AFF2: variants seen among roughly 807,000 people sequenced by gnomAD.
The protein encoded by AFF2 is AF4/FMR2 family member 2.
A neutral mutation model predicts 76.9 loss-of-function variants in AFF2; 14 were observed. That is an observed-to-expected ratio of 0.18 (90% CI 0.12 to 0.28). The LOEUF (loss-of-function observed/expected upper bound fraction) is 0.28, where lower values mean the gene tolerates loss of function less well. Ranked by LOEUF, AFF2 falls within the 10% of genes least tolerant of loss-of-function variation. The probability of loss-of-function intolerance (pLI) is 1.00; values close to 1 mark genes in which losing one functional copy is unlikely to be tolerated. For missense variants in AFF2, 868 were observed against 1,001.1 expected (o/e 0.87, Z 1.79); for synonymous variants, 398 against 366.7 (o/e 1.09, Z -0.98).
At chrX:148,501,288 G>C (rs1210286143) in intron 1 of AFF2, 144 bp downstream of exon 1, 8 of 767,431 alleles carry the variant, frequency 1.0e-5, no homozygotes, top group South Asian at 7.5e-5. Flanking sequence ...CTCTGGCCCC[G>C]GCCGCGCTGA....
intron 4 of AFF2, among the ~76,000 whole-genome samples, chrX:148,825,789 T>C (rs1271694219): frequency 9.3e-6 from 1 of 107,699 alleles, no homozygotes; most frequent in Non-Finnish European, 1.9e-5. Context: ...TCTTTCCTTC[T>C]TTAATACAAA....
chrX:148,679,187 C>T lies in AFF2; in HGVS notation c.1041+16419C>T, dbSNP rs367786539. ...TCTTTCCAAACTATATAGCAATATA[C>T]GTATAAAAGCTATAAAGTAAAAAAA... On this transcript the variant is annotated intron_variant, in intron 3 of 20. Coordinates refer to ENST00000370460, the MANE Select transcript of AFF2 (RefSeq NM_002025.4). Among the ~76,000 whole-genome samples, 8 of 103,697 alleles carry T rather than the reference C, an allele frequency of 7.7e-5. No individual in the cohort carries two copies. The East Asian group carries it at 8.9e-4, about 12-fold the overall frequency. The allele number at this position is 103,697 out of a possible 115,157, so 90.0% of individuals were successfully genotyped here.
intron 1 of AFF2, among the ~76,000 whole-genome samples, chrX:148,608,867 C>T (rs2053699903): frequency 9.0e-6 from 1 of 111,636 alleles, no homozygotes; most frequent in Non-Finnish European, 1.9e-5. Flanking sequence ...TTTAGTGTGG[C>T]ATAGAAAGTC....
chrX:148,641,846 A>G (rs1259974370), intron 1 of AFF2, among the ~76,000 whole-genome samples: 7 of 111,722 alleles, frequency 6.3e-5, no homozygotes, highest in African/African-American at 2.0e-4. Flanking sequence ...TTCTCCTCTT[A>G]TAAGGATGCC....
chrX:148,973,863 A>C (rs1199864957), intron 16 of AFF2, among the ~76,000 whole-genome samples: 1 of 112,057 alleles, frequency 8.9e-6, no homozygotes, highest in East Asian at 2.8e-4. Context: ...ATTAAAATGG[A>C]AATGTAGTGG....
chrX:148,956,121 C>T lies in AFF2; in HGVS notation c.2076C>T (p.Pro692=), dbSNP rs782241744. 5.8e-6 allele frequency: 7 copies of T among 1,210,633 alleles called. No homozygotes were observed. Among genetic ancestry groups the T allele is most frequent in the South Asian group, 1.8e-5 (1 of 56,789 alleles). Residue 692 remains proline (P), a synonymous_variant, in exon 11 of 21, where the codon CCC becomes CCT. Transcript: ENST00000370460. ...KEPRPNIPLA[P]EKKKYRGPGK... is the part of the protein sequence containing the mutation. ...CAAGACCTAACATCCCTTTGGCTCCCGAGAAGAAGAAGTACAGAGGGCCTG... is the reference window on the plus strand; with the variant it reads ...CAAGACCTAACATCCCTTTGGCTCCTGAGAAGAAGAAGTACAGAGGGCCTG...
At chrX:148,861,668 A>G (rs1195175351) in intron 7 of AFF2, among the ~76,000 whole-genome samples, 2 of 111,198 alleles carry the variant, frequency 1.8e-5, no homozygotes, top group African/African-American at 3.3e-5. Flanking sequence ...AATCTAGATA[A>G]CTACACCATT....
chrX:148,672,713 G>T lies in AFF2; in HGVS notation c.1041+9945G>T, dbSNP rs1304505970. ...CATGTGTTTTTCATTTACAAATATG[G>T]TGAGAAGTAGTGTTTTTGCAATATT... is the stretch of plus-strand genomic sequence containing the variant. On this transcript the variant is annotated intron_variant, in intron 3 of 20. Coordinates refer to ENST00000370460, the MANE Select transcript of AFF2 (RefSeq NM_002025.4). Among the ~76,000 whole-genome samples the T allele has an allele frequency of 3.6e-5, 4 of 112,178 alleles. No homozygotes were observed. The East Asian group carries it at 1.1e-3, about 31-fold the overall frequency.
intron 3 of AFF2, among the ~76,000 whole-genome samples, chrX:148,721,591 C>A (rs1472823370): frequency 8.9e-6 from 1 of 111,803 alleles, no homozygotes; most frequent in African/African-American, 3.3e-5. Flanking sequence ...CATCATCTGC[C>A]TAGGACCAAC....
chrX:148,624,844 G>T (rs1041681990), intron 1 of AFF2, among the ~76,000 whole-genome samples: 3 of 111,726 alleles, frequency 2.7e-5, no homozygotes, highest in Admixed American at 9.5e-5. Flanking sequence ...CATGTATTCA[G>T]AAACATTGAT....
chrX:148,837,212 G>A (rs2070537081), intron 4 of AFF2, among the ~76,000 whole-genome samples: 1 of 111,730 alleles, frequency 9.0e-6, no homozygotes, highest in African/African-American at 3.3e-5. Context: ...AAAGTTGAAG[G>A]TTCCCAATAA....
In AFF2 at chrX:148,948,054, C is replaced by T. The variant is rs2039727774; in HGVS notation, c.1398-5526C>T. Among the ~76,000 whole-genome samples, 3 of 112,312 alleles carry T rather than the reference C, an allele frequency of 2.7e-5. No homozygotes were observed. The Admixed American group carries it at 2.8e-4, about 11-fold the overall frequency. ...CCCATGTACATTTCCTATACATAGT[C>T]TGGATGCCCACACAGCTTGTTGGAG... is the stretch of plus-strand genomic sequence containing the variant. On this transcript the variant is annotated intron_variant, in intron 9 of 20. Transcript: ENST00000370460.
intron 7 of AFF2, among the ~76,000 whole-genome samples, chrX:148,877,036 T>G (rs2071042899): frequency 1.8e-5 from 2 of 112,122 alleles, no homozygotes; most frequent in African/African-American, 6.5e-5. Context: ...ACTCCTCAGC[T>G]ACAGTGTGTC....
chrX:148,652,228 A>G, intron 2 of AFF2, 97 bp downstream of exon 2: 2 of 659,971 alleles, frequency 3.0e-6, no homozygotes, highest in Non-Finnish European at 4.7e-6. Flanking sequence ...ACTCATTTCC[A>G]GGGGAATATA....
intron 5 of AFF2, among the ~76,000 whole-genome samples, chrX:148,840,261 A>G (rs1463444438): frequency 1.8e-5 from 2 of 111,922 alleles, no homozygotes; most frequent in Non-Finnish European, 3.8e-5. Context: ...AACATTTTCA[A>G]AAGAAAAATA....
intron 9 of AFF2, among the ~76,000 whole-genome samples, chrX:148,932,245 T>C (rs1229808664): frequency 1.8e-5 from 2 of 112,447 alleles, no homozygotes; most frequent in African/African-American, 6.5e-5. Context: ...TGCAACTTAA[T>C]CTTCTGAGAA....
rs781954708 is a variant in AFF2 at position 148,547,567 on chromosome X, C to T, written c.47+46423C>T. Among the ~76,000 whole-genome samples the T allele has an allele frequency of 3.6e-5, 4 of 111,918 alleles. No homozygotes were observed. The East Asian group carries it at 1.1e-3, about 32-fold the overall frequency. ...GTGGGCCAGTTACTATGCTAGGGAT[C>T]GTATATACCTTCTCTCATTTCATCC... On this transcript the variant is annotated intron_variant, in intron 1 of 20. Coordinates refer to ENST00000370460, the MANE Select transcript of AFF2 (RefSeq NM_002025.4).
intron 3 of AFF2, among the ~76,000 whole-genome samples, chrX:148,766,461 A>G (rs1603297066): frequency 1.8e-5 from 2 of 108,529 alleles, no homozygotes; most frequent in South Asian, 8.4e-4. Context: ...GCCAGTGATG[A>G]TGAGCATTTT....
At chrX:148,846,800 G>C (rs368079388) in intron 7 of AFF2, among the ~76,000 whole-genome samples, 24 of 112,168 alleles carry the variant, frequency 2.1e-4, no homozygotes, top group Non-Finnish European at 3.8e-4. Flanking sequence ...TAATATCATG[G>C]CTGTCTATTC....
Sources: allele counts gnomAD v4.1 joint callset (sites outside exome capture counted in the v4.1 genomes callset), GRCh38; gene constraint gnomAD v4.1.1; transcripts MANE v1.5; gene names NCBI Gene and HGNC (gene_info 2026-07-23, HGNC 2026-07-21).